SORCS2: variants seen among roughly 807,000 people sequenced by gnomAD.
SORCS2 encodes the protein VPS10 domain-containing receptor SorCS2.
A neutral mutation model predicts 141.6 loss-of-function variants in SORCS2; 100 were observed. The ratio of observed to expected loss-of-function variants is 0.71; its 90% confidence interval spans 0.60 to 0.83. SORCS2 has a LOEUF of 0.83. Ranked by LOEUF, SORCS2 falls within the 40% of genes least tolerant of loss-of-function variation. SORCS2 has a pLI of 0.00. For missense variants in SORCS2, 1,646 were observed against 1,560.2 expected (o/e 1.05, Z -0.93); for synonymous variants, 789 against 676.9 (o/e 1.17, Z -2.57).
chr4:7,258,538 G>C (rs547031301), intron 1 of SORCS2, among the ~76,000 whole-genome samples: 1 of 152,136 alleles, frequency 6.6e-6, no homozygotes, highest in African/African-American at 2.4e-5. Context: ...TCTTTATCCA[G>C]TCTATCACTG....
Position 7,223,437 on chromosome 4 carries a change from TG to T in SORCS2, c.480+30312del, listed in dbSNP as rs1378392185. Among the ~76,000 whole-genome samples, 5 of 152,218 alleles carry T rather than the reference TG, an allele frequency of 3.3e-5. No individual in the cohort carries two copies. The East Asian group carries it at 9.6e-4, about 29-fold the overall frequency. Reference sequence around the variant, plus strand: ...GGCCACACGGTCATTTCTTTATTTTTGTATCACTGTGTCCTTGGAATGATGC... The same window carrying T: ...GGCCACACGGTCATTTCTTTATTTTTTATCACTGTGTCCTTGGAATGATGC... On this transcript the variant is annotated intron_variant, in intron 1 of 26. Coordinates refer to ENST00000507866, the MANE Select transcript of SORCS2 (RefSeq NM_020777.3).
chr4:7,511,800 C>G (rs985243728), intron 2 of SORCS2, among the ~76,000 whole-genome samples: 14 of 152,312 alleles, frequency 9.2e-5, no homozygotes, highest in South Asian at 4.2e-4. Context: ...CCCAGACGCT[C>G]AGATGCAGAA....
chr4:7,385,936 C>G (rs1038486911), intron 1 of SORCS2, among the ~76,000 whole-genome samples: 2 of 152,170 alleles, frequency 1.3e-5, no homozygotes, highest in East Asian at 3.8e-4. Flanking sequence ...GCTGTGTGTA[C>G]CAGCCCCACT....
At chr4:7,657,998 T>A (rs993447018) in intron 5 of SORCS2, among the ~76,000 whole-genome samples, 1 of 151,918 alleles carries the variant, frequency 6.6e-6, no homozygotes, top group African/African-American at 2.4e-5. Context: ...ATTGAGTGAA[T>A]GAGGGGCTGA....
At chr4:7,341,147 C>T (rs894291918) in intron 1 of SORCS2, among the ~76,000 whole-genome samples, 1 of 152,224 alleles carries the variant, frequency 6.6e-6, no homozygotes. Flanking sequence ...AGGTCTGGCC[C>T]GAGGTCTGCG....
intron 2 of SORCS2, among the ~76,000 whole-genome samples, chr4:7,464,493 C>G (rs1729493360): frequency 6.6e-6 from 1 of 152,172 alleles, no homozygotes; most frequent in Admixed American, 6.6e-5. Flanking sequence ...GCCACACTAA[C>G]TAGCTTGGAC....
At chr4:7,214,219 C>G (rs1041685940) in intron 1 of SORCS2, among the ~76,000 whole-genome samples, 1 of 152,138 alleles carries the variant, frequency 6.6e-6, no homozygotes, top group African/African-American at 2.4e-5. Context: ...GGCAATGTAA[C>G]AGTATTGGGA....
intron 10 of SORCS2, among the ~76,000 whole-genome samples, chr4:7,685,207 C>T (rs1342181112): frequency 2.6e-5 from 4 of 152,220 alleles, no homozygotes; most frequent in African/African-American, 9.6e-5. Context: ...TGCGATTATG[C>T]AGCTCAGTGA....
chr4:7,524,492 C>T (rs949469552), intron 2 of SORCS2, among the ~76,000 whole-genome samples: 3 of 152,128 alleles, frequency 2.0e-5, no homozygotes, highest in African/African-American at 2.4e-5. Context: ...CCCTCCCCAG[C>T]GCCCCTCTAG....
intron 2 of SORCS2, among the ~76,000 whole-genome samples, chr4:7,412,543 C>G (rs1262641795): frequency 6.6e-6 from 1 of 152,136 alleles, no homozygotes; most frequent in Non-Finnish European, 1.5e-5. Context: ...GGGACAGATG[C>G]TCAGTGGAGA....
intron 1 of SORCS2, among the ~76,000 whole-genome samples, chr4:7,380,223 A>G (rs1460083456): frequency 6.6e-6 from 1 of 152,174 alleles, no homozygotes; most frequent in Non-Finnish European, 1.5e-5. Context: ...TGGTTCTGAG[A>G]TCTCTGCTGT....
chr4:7,325,303 G>T (rs1224578759), intron 1 of SORCS2, among the ~76,000 whole-genome samples: 1 of 152,186 alleles, frequency 6.6e-6, no homozygotes, highest in Non-Finnish European at 1.5e-5. Context: ...CAGTGTCTGC[G>T]TCTGTTAAGT....
At chr4:7,495,439 A>G (rs1282674013) in intron 2 of SORCS2, among the ~76,000 whole-genome samples, 2 of 152,112 alleles carry the variant, frequency 1.3e-5, no homozygotes, top group African/African-American at 2.4e-5. Context: ...CAGCTCTTCT[A>G]TGTTCTCTGG....
At chr4:7,498,253 C>G (rs1463027006) in intron 2 of SORCS2, among the ~76,000 whole-genome samples, 1 of 152,200 alleles carries the variant, frequency 6.6e-6, no homozygotes, top group Non-Finnish European at 1.5e-5. Context: ...GCCCAGGACT[C>G]AAGAGGTTCT....
At chr4:7,261,164 T>C (rs1191935711) in intron 1 of SORCS2, among the ~76,000 whole-genome samples, 1 of 152,180 alleles carries the variant, frequency 6.6e-6, no homozygotes, top group Non-Finnish European at 1.5e-5. Flanking sequence ...CCTTATGACC[T>C]TGTATAATTG....
chr4:7,734,473 G>A (rs1218004363), intron 25 of SORCS2, 99 bp downstream of exon 25: 3 of 837,720 alleles, frequency 3.6e-6, no homozygotes, highest in Non-Finnish European at 5.4e-6. Flanking sequence ...GGCCCCAGCA[G>A]GGCCTCAGAA....
intron 2 of SORCS2, among the ~76,000 whole-genome samples, chr4:7,409,907 G>T (rs781703590): frequency 3.2e-4 from 48 of 152,348 alleles, no homozygotes; most frequent in Middle Eastern, 3.4e-3. Context: ...GGAACCGGAA[G>T]TCTCCTTGTT....
At position 7,519,207 on chromosome 4, in the gene SORCS2, G is replaced by A. The variant is rs961065703; in HGVS notation, c.549-12323G>A. Among the ~76,000 whole-genome samples, 46 of 152,246 alleles carry A rather than the reference G, an allele frequency of 3.0e-4. 1 individual carries two copies. The highest frequency in any genetic ancestry group is 2.8e-3 in the Admixed American group (43 of 15,300). On this transcript the variant is annotated intron_variant, in intron 2 of 26. Transcript: ENST00000507866. ...CCTGTGCCGGGAGCATGACCAGGGA[G>A]CTTCCAGGAGCTCGGCCTCGTTCAC...
At chr4:7,396,384 C>G in intron 2 of SORCS2, 29 bp downstream of exon 2, 1 of 1,610,690 alleles carries the variant, frequency 6.2e-7, no homozygotes, top group African/African-American at 1.3e-5. Flanking sequence ...AGGCCTTTCT[C>G]TTATGCACCT....
Sources: allele counts gnomAD v4.1 joint callset (sites outside exome capture counted in the v4.1 genomes callset), GRCh38; gene constraint gnomAD v4.1.1; transcripts MANE v1.5; gene names NCBI Gene and HGNC (gene_info 2026-07-23, HGNC 2026-07-21).